The following ZNF516 variants were observed in gnomAD, a reference collection of about 807,000 sequenced individuals.
The protein encoded by ZNF516 is zinc finger protein 516.
A neutral mutation model predicts 79.7 loss-of-function variants in ZNF516; 19 were observed. The observed-to-expected ratio is 0.24, with a 90% CI of 0.17 to 0.35. The LOEUF (loss-of-function observed/expected upper bound fraction) is 0.35. Ranked by LOEUF, ZNF516 falls within the 10% of genes least tolerant of loss-of-function variation. The pLI, the probability that ZNF516 is intolerant of heterozygous loss-of-function variation, is 1.00. For missense variants in ZNF516, 1,678 were observed against 1,679.5 expected (o/e 1.00, Z 0.02); for synonymous variants, 877 against 739.5 (o/e 1.19, Z -3.02).
intron 3 of ZNF516, among the ~76,000 whole-genome samples, chr18:76,434,290 C>T (rs1223111457): frequency 3.3e-5 from 5 of 152,150 alleles, no homozygotes; most frequent in Non-Finnish European, 4.4e-5. Flanking sequence ...CACTTCTTCA[C>T]GACACAGCAA....
intron 3 of ZNF516, among the ~76,000 whole-genome samples, chr18:76,429,128 T>TGGGTCTG (rs2075631146): frequency 6.6e-6 from 1 of 152,138 alleles, no homozygotes; most frequent in Admixed American, 6.5e-5. Flanking sequence ...GCCAAGAAGA[T>TGGGTCTG]GGGTCTGGGG....
intron 1 of ZNF516, among the ~76,000 whole-genome samples, chr18:76,485,677 C>A (rs1914788794): frequency 6.6e-6 from 1 of 152,014 alleles, no homozygotes. Flanking sequence ...TAAATTCCTG[C>A]AACATGGCAT....
chr18:76,402,471 C>A (rs543161490), intron 3 of ZNF516, among the ~76,000 whole-genome samples: 5 of 152,122 alleles, frequency 3.3e-5, no homozygotes, highest in Non-Finnish European at 5.9e-5. Flanking sequence ...TGACCTGTGA[C>A]CCCCTCTGCC....
intron 3 of ZNF516, among the ~76,000 whole-genome samples, chr18:76,403,888 C>T (rs2145237382): frequency 6.6e-6 from 1 of 152,316 alleles, no homozygotes; most frequent in South Asian, 2.1e-4. Flanking sequence ...ATCTGGGGAA[C>T]ATGCATACCC....
chr18:76,463,733 C>G (rs1599131160), intron 1 of ZNF516, among the ~76,000 whole-genome samples: 1 of 152,360 alleles, frequency 6.6e-6, no homozygotes, highest in East Asian at 1.9e-4. Context: ...CCACTTATAC[C>G]TGGGACCACG....
intron 1 of ZNF516, chr18:76,491,764 GC>G: frequency 6.6e-6 from 1 of 151,952 alleles, no homozygotes; most frequent in Non-Finnish European, 1.5e-5. Context: ...GGCCGCGCGT[GC>G]CCCAGGTCCC....
rs1348808042 is a variant in ZNF516 at position 76,451,009 on chromosome 18, C to G, written c.-157-7798G>C. On this transcript the variant is annotated intron_variant, in intron 2 of 6. Transcript: ENST00000443185. This position sits in a 1 kb window ranked among gnomAD's most constrained non-coding sequence, Gnocchi z 6.0. Reference sequence around the variant, plus strand: ...TATTTAGAGTCATTTCCTCAACAATCGAACGCTTAAAGTTGCGGAAACCAA... The same window carrying G: ...TATTTAGAGTCATTTCCTCAACAATGGAACGCTTAAAGTTGCGGAAACCAA... 6.6e-6 allele frequency among the ~76,000 whole-genome samples: 1 copy of G among 152,164 alleles called. No homozygotes were observed. Among genetic ancestry groups the G allele is most frequent in the East Asian group, 1.9e-4 (1 of 5,194 alleles).
At chr18:76,404,034 C>A (rs973408304) in intron 3 of ZNF516, among the ~76,000 whole-genome samples, 1 of 152,240 alleles carries the variant, frequency 6.6e-6, no homozygotes, top group African/African-American at 2.4e-5. Context: ...CAGCCTGGGG[C>A]TCCTGTCCAC....
At chr18:76,444,100 A>G (rs1201903406) in intron 2 of ZNF516, among the ~76,000 whole-genome samples, 2 of 152,234 alleles carry the variant, frequency 1.3e-5, no homozygotes, top group Non-Finnish European at 2.9e-5. Flanking sequence ...ACATGGTGCA[A>G]GGAGAAAAGC....
chr18:76,471,823 A>T (rs1913860134), intron 1 of ZNF516, among the ~76,000 whole-genome samples: 1 of 152,146 alleles, frequency 6.6e-6, no homozygotes, highest in Admixed American at 6.5e-5. Context: ...CCCACAGCAG[A>T]TGGAAGCTGT....
Position 76,379,885 on chromosome 18 carries a change from G to A in ZNF516, c.2229C>T (p.Asp743=). ...LDLSARSTRD[D]PSNKETASSL... ...AGGAGGCCGTCTCCTTATTGCTGGGGTCATCCCGCGTCGACCTCGCACTTA... is the reference window on the plus strand; with the variant it reads ...AGGAGGCCGTCTCCTTATTGCTGGGATCATCCCGCGTCGACCTCGCACTTA... The change falls in exon 4 of 7, where the codon GAC becomes GAT. Residue 743 remains aspartate, a synonymous_variant. Transcript: ENST00000443185. 6.2e-7 allele frequency: 1 copy of A among 1,613,960 alleles called. No individual in the cohort carries two copies. Among genetic ancestry groups the A allele is most frequent in the Non-Finnish European group, 8.5e-7 (1 of 1,179,896 alleles).
chr18:76,494,553 G>A (rs1055018612), intron 1 of ZNF516, among the ~76,000 whole-genome samples: 2 of 150,928 alleles, frequency 1.3e-5, no homozygotes, highest in Non-Finnish European at 3.0e-5. Flanking sequence ...CAGCCGGGGA[G>A]GGGGCCGTAA....
At chr18:76,458,358 A>G (rs1189778398) in intron 2 of ZNF516, among the ~76,000 whole-genome samples, 1 of 152,220 alleles carries the variant, frequency 6.6e-6, no homozygotes, top group African/African-American at 2.4e-5. Flanking sequence ...AAGTCCTCAC[A>G]AAAAGGTGCT....
At chr18:76,409,081 CA>C (rs1333575212) in intron 3 of ZNF516, among the ~76,000 whole-genome samples, 1 of 152,160 alleles carries the variant, frequency 6.6e-6, no homozygotes, top group Non-Finnish European at 1.5e-5. Flanking sequence ...TAGACATAAT[CA>C]TTTATATATA....
chr18:76,412,019 A>G (rs2075377428), intron 3 of ZNF516, among the ~76,000 whole-genome samples: 1 of 152,248 alleles, frequency 6.6e-6, no homozygotes. Flanking sequence ...CATAAAACGT[A>G]TCCTCTCCAA....
intron 1 of ZNF516, among the ~76,000 whole-genome samples, chr18:76,487,763 A>G (rs1914912882): frequency 1.7e-5 from 2 of 114,356 alleles, no homozygotes; most frequent in Admixed American, 1.8e-4. Context: ...CCCACTCCCA[A>G]ACTCACTGGT....
intron 3 of ZNF516, among the ~76,000 whole-genome samples, chr18:76,436,605 G>A (rs767402472): frequency 6.6e-6 from 1 of 152,096 alleles, no homozygotes; most frequent in Non-Finnish European, 1.5e-5. Context: ...GGTATTGTGA[G>A]AGCTCCTCCT....
At chr18:76,483,044 C>T in intron 1 of ZNF516, among the ~76,000 whole-genome samples, 1 of 152,106 alleles carries the variant, frequency 6.6e-6, no homozygotes, top group East Asian at 1.9e-4. Flanking sequence ...TTTTTTTCCT[C>T]TTAAGAAAAG....
chr18:76,381,307 G>C (rs1045849214), intron 3 of ZNF516, among the ~76,000 whole-genome samples: 1 of 152,164 alleles, frequency 6.6e-6, no homozygotes, highest in African/African-American at 2.4e-5. Flanking sequence ...TGTAAATCTA[G>C]ACATCGAAAC....
Sources: gnomAD v4.1 joint callset for allele counts (sites outside exome capture counted in the v4.1 genomes callset) on GRCh38, gnomAD v4.1.1 for gene constraint, Gnocchi (gnomAD v3.1) non-coding constraint, MANE v1.5 for transcripts, NCBI Gene and HGNC (gene_info 2026-07-23, HGNC 2026-07-21) for gene names.